ZNF791: variants seen among roughly 807,000 people sequenced by gnomAD.
The protein encoded by ZNF791 is zinc finger protein 791.
Under a neutral mutation model 11.5 loss-of-function variants are expected in ZNF791, and 4 were observed. The observed-to-expected ratio is 0.35, with a 90% CI of 0.17 to 0.80. The LOEUF is 0.80. Among genes scored for constraint, ZNF791 ranks in the 30% least tolerant of loss-of-function variants. The pLI is 0.53. For synonymous variants in ZNF791, 212 were observed against 228.1 expected, an observed-to-expected ratio of 0.93 and a Z score of 0.64; for missense variants, 559 against 699.4, an observed-to-expected ratio of 0.80 and a Z score of 2.26.
chr19:12,622,407 CAAACAAAAAA>C (rs1195326925), intron 1 of ZNF791, among the ~76,000 whole-genome samples: 2 of 28,032 alleles, frequency 7.1e-5, no homozygotes, highest in African/African-American at 2.7e-4. Context: ...AAGACTGTCT[CAAACAAAAAA>C]AAAAAAAAAA....
At chr19:12,612,828 TTA>T (rs1491452627) in intron 1 of ZNF791, among the ~76,000 whole-genome samples, 3 of 148,412 alleles carry the variant, frequency 2.0e-5, no homozygotes, top group African/African-American at 7.5e-5. Context: ...TTTTTTTTTT[TTA>T]AAGACCAAGT....
At position 12,628,890 on chromosome 19, in the gene ZNF791, C is replaced by T. The variant is rs770865041; in HGVS notation, c.1361C>T (p.Ala454Val). ...GGGAAGGTGTTCATTTTTCCTAGTG[C>T]GTTACGAACACATGAAAGAACTCAC... ...DCGKVFIFPS[A>V]LRTHERTHTG... is the part of the protein sequence containing the mutation. The change falls in exon 4 of 4, where the codon GCG (alanine) becomes GTG (valine). Residue 454 changes from alanine (A) to valine (V), a missense_variant. Coordinates refer to ENST00000343325, the MANE Select transcript of ZNF791 (RefSeq NM_153358.3). The T allele has an allele frequency of 3.5e-5, 57 of 1,606,160 alleles. No individual in the cohort carries two copies. Among genetic ancestry groups the T allele is most frequent in the South Asian group, 1.2e-4 (11 of 90,486 alleles).
intron 1 of ZNF791, among the ~76,000 whole-genome samples, chr19:12,622,680 G>A (rs1203888158): frequency 1.3e-5 from 2 of 151,812 alleles, no homozygotes; most frequent in Non-Finnish European, 2.9e-5. Context: ...GGATCACGAG[G>A]TCGGGAGTTC....
At chr19:12,627,640 G>T (rs751979775) in intron 3 of ZNF791, 81 bp from the exon 4 acceptor site, 106 of 1,294,376 alleles carry the variant, frequency 8.2e-5, no homozygotes, top group Admixed American at 1.4e-4. Flanking sequence ...AAAGAAAAAA[G>T]AACTTTAGTT....
In ZNF791 at chr19:12,629,253, A is replaced by G. The variant is rs1356923858; in HGVS notation, c.1724A>G (p.Asn575Ser). Residue 575 changes from asparagine (N) to serine (S), a missense_variant, in exon 4 of 4, where the codon AAT (asparagine) becomes AGT (serine). Asn to Ser is a conservative substitution (Grantham distance 46, BLOSUM62 1). Coordinates refer to ENST00000343325, the MANE Select transcript of ZNF791 (RefSeq NM_153358.3). ...TTAAAAAAACATATGAGAATGCACA[A>G]TCGATAGAAACTCTATAAATGTGAG... ...TSLKKHMRMH[N>S]R 4.1e-6 allele frequency: 6 copies of G among 1,470,160 alleles called. No homozygotes were observed. Among genetic ancestry groups the G allele is most frequent in the Non-Finnish European group, 3.6e-6 (4 of 1,109,044 alleles). 91.1% of individuals were successfully genotyped at this position (1,470,160 alleles called of 1,614,324 possible).
At chr19:12,619,729 G>A (rs1458884889) in intron 1 of ZNF791, among the ~76,000 whole-genome samples, 3 of 151,716 alleles carry the variant, frequency 2.0e-5, no homozygotes, top group Non-Finnish European at 4.4e-5. Context: ...GATTACAGGC[G>A]TGAGCCACCG....
intron 1 of ZNF791, among the ~76,000 whole-genome samples, chr19:12,611,850 C>G (rs1335481632): frequency 4.6e-5 from 7 of 152,166 alleles, no homozygotes; most frequent in Admixed American, 4.6e-4. Context: ...CAGATTGGCA[C>G]TGTCCCGCCT....
Position 12,628,467 on chromosome 19 carries a change from C to T in ZNF791, c.938C>T (p.Thr313Ile), listed in dbSNP as rs1599328575. The change falls in exon 4 of 4, where the codon ACC (threonine) becomes ATC (isoleucine). Residue 313 changes from threonine (T) to isoleucine (I), a missense_variant. Transcript: ENST00000343325. Reference sequence around the variant, plus strand: ...TGTGGTAAAGCCTTCAGATGTTCCACCTCCATTCAAATTCATGAAAGAATT... The same window carrying T: ...TGTGGTAAAGCCTTCAGATGTTCCATCTCCATTCAAATTCATGAAAGAATT... Reference protein sequence around the residue: ...KQCGKAFRCSTSIQIHERIHT... With the variant: ...KQCGKAFRCSISIQIHERIHT... 3 of 1,611,044 alleles carry T rather than the reference C, an allele frequency of 1.9e-6. No homozygotes were observed. The highest frequency in any genetic ancestry group is 2.2e-5 in the East Asian group (1 of 44,760).
rs373703742 is a variant in ZNF791 at position 12,633,831 on chromosome 19, A to C, written c.*4571A>C. 9 of 151,710 alleles carry C rather than the reference A, an allele frequency of 5.9e-5. No individual in the cohort carries two copies. Among genetic ancestry groups the C allele is most frequent in the South Asian group, 2.1e-4 (1 of 4,822 alleles). 9.4% of individuals were successfully genotyped at this position (151,710 alleles called of 1,614,324 possible). A position where few individuals can be genotyped will look rare whatever the true frequency, so the allele number is the denominator to read the frequency against. ...TACAGTAAAACAGTAAAAAAAAAAA[A>C]AAACAACTATATGGGAGTTTGTTCT... On this transcript the variant is annotated 3_prime_UTR_variant, in exon 4 of 4. Transcript: ENST00000343325.
intron 1 of ZNF791, chr19:12,623,226 C>G (rs528662400): frequency 6.5e-6 from 1 of 154,500 alleles, no homozygotes; most frequent in African/African-American, 2.4e-5. Flanking sequence ...ATGGCAAAAC[C>G]CCATCTCTAC....
rs537009145 is a variant in ZNF791 at position 12,633,124 on chromosome 19, G to T, written c.*3864G>T. The T allele has an allele frequency of 1.3e-4, 20 of 152,206 alleles. No individual in the cohort carries two copies. The highest frequency in any genetic ancestry group is 1.2e-3 in the Admixed American group (18 of 15,254). 9.4% of individuals were successfully genotyped at this position (152,206 alleles called of 1,614,324 possible). A position where few individuals can be genotyped will look rare whatever the true frequency, so the allele number is the denominator to read the frequency against. On this transcript the variant is annotated 3_prime_UTR_variant, in exon 4 of 4. Coordinates refer to ENST00000343325, the MANE Select transcript of ZNF791 (RefSeq NM_153358.3). ...AAATAAATAAATAAAATGAATTTCA[G>T]CTAGAAGAGCCTTATTCCATTTTCC... is the stretch of plus-strand genomic sequence containing the variant.
chr19:12,623,855 CTTTTTTT>C, intron 2 of ZNF791, 29 bp downstream of exon 2: 1 of 509,416 alleles, frequency 2.0e-6, no homozygotes, highest in South Asian at 2.9e-5. Flanking sequence ...TTTCTTTTTT[CTTTTTTT>C]TTTTTTTTGG....
intron 1 of ZNF791, among the ~76,000 whole-genome samples, chr19:12,617,634 G>A (rs1041496654): frequency 6.6e-6 from 1 of 151,974 alleles, no homozygotes; most frequent in African/African-American, 2.4e-5. Context: ...CTTGGTGAAT[G>A]TTCCACATGA....
intron 1 of ZNF791, among the ~76,000 whole-genome samples, chr19:12,617,341 G>T (rs1357886188): frequency 1.3e-5 from 2 of 151,836 alleles, no homozygotes; most frequent in African/African-American, 4.8e-5. Context: ...GGCCAGGCTG[G>T]TCTCGAACTC....
chr19:12,613,408 C>G (rs8102283), intron 1 of ZNF791, among the ~76,000 whole-genome samples: 4,427 of 151,940 alleles, frequency 0.029, 121 homozygotes, highest in African/African-American at 0.065. Context: ...TGTGAAACCC[C>G]GTCTCTACTA....
At chr19:12,618,934 G>A (rs879648019) in intron 1 of ZNF791, among the ~76,000 whole-genome samples, 33 of 150,010 alleles carry the variant, frequency 2.2e-4, no homozygotes, top group Non-Finnish European at 3.4e-4. Flanking sequence ...TGCAACCTCC[G>A]CCTCCTGGGT....
rs780475446 is a variant in ZNF791 at position 12,627,949 on chromosome 19, C to A, written c.420C>A (p.Ala140=). Reference sequence around the variant, plus strand: ...ATAAATGTAAGGAGTGTGAGAAAGCCTTTAGTTATCTCAAATCCTTTCAAA... The same window carrying A: ...ATAAATGTAAGGAGTGTGAGAAAGCATTTAGTTATCTCAAATCCTTTCAAA... ...KPYKCKECEK[A]FSYLKSFQRH... The change falls in exon 4 of 4, where the codon GCC becomes GCA. Residue 140 remains alanine (A), a synonymous_variant. Transcript: ENST00000343325. 6.2e-7 allele frequency: 1 copy of A among 1,613,976 alleles called. No individual in the cohort carries two copies. The highest frequency in any genetic ancestry group is 1.3e-5 in the African/African-American group (1 of 74,918).
intron 1 of ZNF791, among the ~76,000 whole-genome samples, chr19:12,621,450 C>T (rs896756869): frequency 7.4e-5 from 8 of 107,430 alleles, no homozygotes; most frequent in Admixed American, 4.4e-4. Flanking sequence ...CACACACAGC[C>T]GGGCGTGGTC....
chr19:12,616,962 T>A (rs1213064444), intron 1 of ZNF791, among the ~76,000 whole-genome samples: 1 of 70,484 alleles, frequency 1.4e-5, no homozygotes, highest in African/African-American at 4.0e-5. Context: ...TATGATCGAT[T>A]TGGGCTTAAT....
Sources: allele counts gnomAD v4.1 joint callset (sites outside exome capture counted in the v4.1 genomes callset), GRCh38; gene constraint gnomAD v4.1.1; transcripts MANE v1.5; gene names NCBI Gene and HGNC (gene_info 2026-07-23, HGNC 2026-07-21).